Variants in ZNF569 observed in about 807,000 individuals in gnomAD.
The protein encoded by ZNF569 is DNA-binding protein.
Under a neutral mutation model 56.3 loss-of-function variants are expected in ZNF569, and 38 were observed. The ratio of observed to expected loss-of-function variants is 0.68; its 90% CI spans 0.52 to 0.88. ZNF569 has a LOEUF of 0.88. ZNF569 is among the 40% of genes least tolerant of loss of function. The probability of loss-of-function intolerance (pLI) is 0.00; values close to 1 mark genes in which losing one functional copy is unlikely to be tolerated. For synonymous variants in ZNF569, 241 were observed against 262.9 expected (o/e 0.92, Z 0.81); for missense variants, 666 against 809.2 (o/e 0.82, Z 2.15).
At chr19:37,437,269 T>C (rs1368138181) in intron 3 of ZNF569, among the ~76,000 whole-genome samples, 1 of 152,148 alleles carries the variant, frequency 6.6e-6, no homozygotes, top group East Asian at 1.9e-4. Context: ...AAGCATTTGA[T>C]AAAATTCAAC....
At chr19:37,451,428 T>A (rs895988957) in intron 2 of ZNF569, among the ~76,000 whole-genome samples, 2 of 150,946 alleles carry the variant, frequency 1.3e-5, no homozygotes, top group Non-Finnish European at 3.0e-5. Flanking sequence ...AAGTTCTGTA[T>A]ATGTCTCTCA....
chr19:37,464,282 C>T (rs541190142), intron 2 of ZNF569, among the ~76,000 whole-genome samples: 73 of 152,272 alleles, frequency 4.8e-4, no homozygotes, highest in African/African-American at 1.7e-3. Flanking sequence ...CTCCGCCTCC[C>T]GGGTTCAAGC....
At chr19:37,414,565 A>C (rs2040897286) in intron 5 of ZNF569, 146 bp from the exon 6 acceptor site, 6 of 1,278,202 alleles carry the variant, frequency 4.7e-6, no homozygotes, top group Non-Finnish European at 5.1e-6. Context: ...AACTGCATAT[A>C]TCTCTTATCT....
intron 2 of ZNF569, among the ~76,000 whole-genome samples, chr19:37,458,536 G>A (rs1435745657): frequency 1.3e-5 from 2 of 152,110 alleles, no homozygotes; most frequent in Non-Finnish European, 2.9e-5. Context: ...TCATTTGATT[G>A]GGATATCCGT....
upstream of ZNF569, chr19:37,469,166 G>A (rs1170104067): frequency 8.5e-7 from 1 of 1,175,542 alleles, no homozygotes; most frequent in South Asian, 2.3e-5. Flanking sequence ...TGGAAGGCCG[G>A]GGAGAGGCCA....
chr19:37,461,472 A>G (rs2041756960), intron 2 of ZNF569, among the ~76,000 whole-genome samples: 1 of 151,894 alleles, frequency 6.6e-6, no homozygotes, highest in African/African-American at 2.4e-5. Flanking sequence ...ATGCCCAGCG[A>G]ATTTTTGTAT....
At chr19:37,424,851 T>C (rs1600300229) in intron 5 of ZNF569, among the ~76,000 whole-genome samples, 1 of 140,218 alleles carries the variant, frequency 7.1e-6, no homozygotes, top group Non-Finnish European at 1.5e-5. Flanking sequence ...CCGGGCATGG[T>C]GGCTCATGCC....
At chr19:37,426,068 G>T in intron 4 of ZNF569, 105 bp from the exon 5 acceptor site, 1 of 1,370,370 alleles carries the variant, frequency 7.3e-7, no homozygotes, top group Non-Finnish European at 1.0e-6. Context: ...ACAAGAAAAT[G>T]TGGCTTCGGG....
intron 5 of ZNF569, among the ~76,000 whole-genome samples, chr19:37,417,342 C>A (rs1012420082): frequency 6.6e-6 from 1 of 152,134 alleles, no homozygotes; most frequent in Admixed American, 6.5e-5. Flanking sequence ...CTCACTGCAA[C>A]CTTCGACGCT....
upstream of ZNF569, chr19:37,467,887 G>A: frequency 6.5e-7 from 1 of 1,536,102 alleles, no homozygotes; most frequent in Non-Finnish European, 8.7e-7. Flanking sequence ...TTTTGTCAGA[G>A]ACAATGTGCA....
At chr19:37,428,344 AAATGAATG>A (rs553125324) in intron 3 of ZNF569, among the ~76,000 whole-genome samples, 16 of 140,116 alleles carry the variant, frequency 1.1e-4, no homozygotes, top group Admixed American at 2.1e-4. Flanking sequence ...TCTCTACAAT[AAATGAATG>A]AATGAATGAA....
chr19:37,435,020 G>A (rs1002110517), intron 3 of ZNF569, among the ~76,000 whole-genome samples: 16 of 152,284 alleles, frequency 1.1e-4, no homozygotes, highest in African/African-American at 3.8e-4. Context: ...TGACACTTGG[G>A]AAGCTGAGGC....
chr19:37,454,857 G>A (rs1055266646), intron 2 of ZNF569: 86 of 702,622 alleles, frequency 1.2e-4, no homozygotes, highest in African/African-American at 1.2e-3. Context: ...GTCTGGCAGA[G>A]TCCATCCCAG....
At chr19:37,450,093 G>C (rs557298049) in intron 2 of ZNF569, among the ~76,000 whole-genome samples, 1 of 152,224 alleles carries the variant, frequency 6.6e-6, no homozygotes, top group Non-Finnish European at 1.5e-5. Flanking sequence ...TTGCATCTGT[G>C]CTCACCAGGA....
intron 3 of ZNF569, among the ~76,000 whole-genome samples, chr19:37,432,632 C>T (rs970837904): frequency 3.3e-5 from 5 of 152,216 alleles, no homozygotes; most frequent in African/African-American, 1.2e-4. Context: ...AACAAACATT[C>T]ACAGGCATTA....
chr19:37,445,040 A>G (rs904580249), intron 2 of ZNF569, 76 bp from the exon 3 acceptor site: 2 of 1,137,414 alleles, frequency 1.8e-6, no homozygotes, highest in Non-Finnish European at 2.5e-6. Context: ...GGTGGATTAA[A>G]GGTCACCCTG....
chr19:37,453,260 T>C lies in ZNF569; in HGVS notation c.-43-8296A>G, dbSNP rs1202062344. ...CAGTATCTCCAGCAACAGGGTATCC[T>C]GAATCTCCCTACTAGCTTCACTAGT... On this transcript the variant is annotated intron_variant, in intron 2 of 5. Coordinates refer to ENST00000316950, the MANE Select transcript of ZNF569 (RefSeq NM_152484.3). Among the ~76,000 whole-genome samples the C allele has an allele frequency of 2.0e-5, 3 of 152,302 alleles. No homozygotes were observed. The East Asian group carries it at 5.8e-4, about 29-fold the overall frequency.
At chr19:37,439,809 C>T (rs181864294) in intron 3 of ZNF569, among the ~76,000 whole-genome samples, 9 of 152,168 alleles carry the variant, frequency 5.9e-5, no homozygotes, top group Admixed American at 4.6e-4. Flanking sequence ...AGACACAGAA[C>T]GACAAAGCTC....
chr19:37,444,025 A>T (rs2041452332), intron 3 of ZNF569, among the ~76,000 whole-genome samples: 1 of 152,136 alleles, frequency 6.6e-6, no homozygotes, highest in Admixed American at 6.5e-5. Flanking sequence ...CTCAAAAAAT[A>T]AATAAATAAG....
Sources: allele counts gnomAD v4.1 joint callset (sites outside exome capture counted in the v4.1 genomes callset), GRCh38; gene constraint gnomAD v4.1.1; transcripts MANE v1.5; gene names NCBI Gene and HGNC (gene_info 2026-07-23, HGNC 2026-07-21).